The following LHFPL2 variants were observed in gnomAD, a reference collection of about 807,000 sequenced individuals.
LHFPL2 encodes the protein LHFPL tetraspan subfamily member 2.
Under a neutral mutation model 17.5 loss-of-function variants are expected in LHFPL2, and 7 were observed. The observed-to-expected ratio is 0.40, with a 90% CI of 0.23 to 0.75. The LOEUF is 0.75. Ranked by LOEUF, LHFPL2 falls within the 30% of genes least tolerant of loss-of-function variation. The pLI is 0.37. For missense variants in LHFPL2, 241 were observed against 294.8 expected, an observed-to-expected ratio of 0.82 and a Z score of 1.34; for synonymous variants, 134 against 116.2, an observed-to-expected ratio of 1.15 and a Z score of -0.99.
At chr5:78,535,798 C>G (rs1272800034) in intron 3 of LHFPL2, among the ~76,000 whole-genome samples, 1 of 152,202 alleles carries the variant, frequency 6.6e-6, no homozygotes, top group Non-Finnish European at 1.5e-5. Context: ...TGTGGCTCCT[C>G]CCAGACCTGA....
intron 3 of LHFPL2, among the ~76,000 whole-genome samples, chr5:78,522,513 C>T (rs1322255900): frequency 5.9e-5 from 9 of 152,182 alleles, no homozygotes; most frequent in African/African-American, 1.4e-4. Context: ...CGTTAATATA[C>T]GTTTGCTGAC....
chr5:78,543,273 C>T (rs1756167535), intron 3 of LHFPL2, among the ~76,000 whole-genome samples: 1 of 152,210 alleles, frequency 6.6e-6, no homozygotes, highest in African/African-American at 2.4e-5. Flanking sequence ...ACCCCTCTCT[C>T]TGCAACAGAG....
chr5:78,490,632 C>T (rs938717258), intron 4 of LHFPL2, among the ~76,000 whole-genome samples: 11 of 150,746 alleles, frequency 7.3e-5, no homozygotes, highest in Middle Eastern at 3.4e-3. Context: ...CCTGTAGTCC[C>T]GGCTACTGGG....
chr5:78,611,330 G>T (rs1055130872), intron 2 of LHFPL2, among the ~76,000 whole-genome samples: 2 of 152,226 alleles, frequency 1.3e-5, no homozygotes, highest in Non-Finnish European at 2.9e-5. Context: ...TCTCAAAGGA[G>T]AACTCCACCT....
intron 2 of LHFPL2, among the ~76,000 whole-genome samples, chr5:78,566,750 G>T (rs886560644): frequency 1.3e-5 from 2 of 152,236 alleles, no homozygotes; most frequent in African/African-American, 4.8e-5. Context: ...GAGCCACTGC[G>T]CCCGGCGAAA....
intron 2 of LHFPL2, among the ~76,000 whole-genome samples, chr5:78,594,874 A>G (rs1743770278): frequency 6.6e-6 from 1 of 152,244 alleles, no homozygotes; most frequent in Non-Finnish European, 1.5e-5. Context: ...CCAAAGAAAG[A>G]ATATAAATTG....
At chr5:78,609,478 A>T (rs761117422) in intron 2 of LHFPL2, among the ~76,000 whole-genome samples, 1 of 136,536 alleles carries the variant, frequency 7.3e-6, no homozygotes, top group African/African-American at 2.9e-5. Flanking sequence ...AAAAAAAAAG[A>T]GAGAGAGCTT....
intron 1 of LHFPL2, among the ~76,000 whole-genome samples, chr5:78,641,379 A>G (rs1745655112): frequency 6.6e-6 from 1 of 152,236 alleles, no homozygotes; most frequent in Non-Finnish European, 1.5e-5. Flanking sequence ...AGGCACAAGG[A>G]AAGAATTGTT....
intron 2 of LHFPL2, among the ~76,000 whole-genome samples, chr5:78,585,082 T>C (rs1201068009): frequency 2.1e-5 from 2 of 93,492 alleles, no homozygotes; most frequent in Non-Finnish European, 4.8e-5. Flanking sequence ...TCTCGGCTCA[T>C]TGCAAGCTCC....
At chr5:78,526,810 C>G (rs1471069454) in intron 3 of LHFPL2, among the ~76,000 whole-genome samples, 3 of 152,192 alleles carry the variant, frequency 2.0e-5, no homozygotes, top group Non-Finnish European at 4.4e-5. Flanking sequence ...TCCATTCTTT[C>G]CTGAAGGCTA....
chr5:78,586,441 C>T (rs1232072976), intron 2 of LHFPL2, among the ~76,000 whole-genome samples: 1 of 152,222 alleles, frequency 6.6e-6, no homozygotes, highest in Admixed American at 6.5e-5. Flanking sequence ...GTCATGTCCT[C>T]ATTTCATAAC....
At chr5:78,551,396 C>A (rs1756436300) in intron 3 of LHFPL2, among the ~76,000 whole-genome samples, 1 of 152,132 alleles carries the variant, frequency 6.6e-6, no homozygotes, top group Non-Finnish European at 1.5e-5. Context: ...ATCAGTCAGT[C>A]CAAGACTTGG....
intron 2 of LHFPL2, among the ~76,000 whole-genome samples, chr5:78,620,860 G>A (rs1272028059): frequency 1.3e-5 from 2 of 152,106 alleles, no homozygotes; most frequent in Admixed American, 6.5e-5. Context: ...GACCATGTGT[G>A]TACAGTTTAA....
chr5:78,549,223 G>A (rs78134863), intron 3 of LHFPL2: 7 of 152,204 alleles, frequency 4.6e-5, no homozygotes, highest in African/African-American at 1.2e-4. Flanking sequence ...CTTCTGGGGC[G>A]AGACTGGCTT....
chr5:78,528,477 A>C (rs1417515470), intron 3 of LHFPL2, among the ~76,000 whole-genome samples: 1 of 152,224 alleles, frequency 6.6e-6, no homozygotes, highest in Non-Finnish European at 1.5e-5. Context: ...AGATAGTTTC[A>C]TCCTGAAACC....
intron 3 of LHFPL2, among the ~76,000 whole-genome samples, chr5:78,513,874 G>A (rs548227556): frequency 1.5e-3 from 228 of 152,264 alleles, no homozygotes; most frequent in Non-Finnish European, 2.3e-3. Context: ...CCAGTCTCAC[G>A]TATGTCTTTA....
At chr5:78,558,295 T>G (rs1312561824) in intron 3 of LHFPL2, among the ~76,000 whole-genome samples, 1 of 152,256 alleles carries the variant, frequency 6.6e-6, no homozygotes, top group Non-Finnish European at 1.5e-5. Context: ...GATCCCAGTG[T>G]ACGCTCATTC....
intron 3 of LHFPL2, among the ~76,000 whole-genome samples, chr5:78,522,562 T>C (rs555406661): frequency 1.4e-4 from 22 of 152,340 alleles, no homozygotes; most frequent in Non-Finnish European, 2.5e-4. Flanking sequence ...CCAACTTTTA[T>C]TGAACCAAGC....
intron 2 of LHFPL2, among the ~76,000 whole-genome samples, chr5:78,612,020 C>A (rs1431677365): frequency 6.6e-6 from 1 of 152,126 alleles, no homozygotes. Context: ...AACGAAACAA[C>A]TATTTTTATT....
Sources: gnomAD v4.1 joint callset for allele counts (sites outside exome capture counted in the v4.1 genomes callset) on GRCh38, gnomAD v4.1.1 for gene constraint, MANE v1.5 for transcripts, NCBI Gene and HGNC (gene_info 2026-07-23, HGNC 2026-07-21) for gene names.